UGCG: variants seen among roughly 807,000 people sequenced by gnomAD.
UGCG encodes UDP-glucose ceramide glucosyltransferase.
In UGCG, 10 loss-of-function variants were observed where a neutral mutation model predicts 49.5. The ratio of observed to expected loss-of-function variants is 0.20; its 90% CI spans 0.12 to 0.34. The LOEUF is 0.34. Among genes scored for constraint, UGCG ranks in the 10% least tolerant of loss-of-function variants. The probability of loss-of-function intolerance (pLI) is 1.00; values close to 1 mark genes in which losing one functional copy is unlikely to be tolerated. For missense variants in UGCG, 312 were observed against 483.7 expected (o/e 0.65, Z 3.33); for synonymous variants, 182 against 158.2 (o/e 1.15, Z -1.13).
At chr9:111,910,966 C>G (rs1189987881) in intron 1 of UGCG, among the ~76,000 whole-genome samples, 2 of 152,222 alleles carry the variant, frequency 1.3e-5, no homozygotes, top group East Asian at 3.9e-4. Context: ...AGGCTGGTCT[C>G]AAACTCCTGA....
chr9:111,931,387 G>A lies in UGCG; in HGVS notation c.824+30G>A, dbSNP rs2274942. ...ATCAACTGTTTTCTTTTTATACTTCGTTAAAAGGAAAGTGGGGAGGGGGGT... is the reference window on the plus strand; with the variant it reads ...ATCAACTGTTTTCTTTTTATACTTCATTAAAAGGAAAGTGGGGAGGGGGGT... On this transcript the variant is annotated intron_variant, in intron 7 of 8. Coordinates refer to ENST00000374279, the MANE Select transcript of UGCG (RefSeq NM_003358.3). 626 of 1,599,118 alleles carry A rather than the reference G, an allele frequency of 3.9e-4. 3 individuals carry two copies. In the East Asian group the frequency reaches 0.012, roughly 31 times the overall value.
chr9:111,926,324 G>A (rs1838311410), intron 4 of UGCG, 60 bp from the exon 5 acceptor site: 2 of 1,001,466 alleles, frequency 2.0e-6, no homozygotes, highest in East Asian at 2.5e-5. Flanking sequence ...ATATTAATGG[G>A]CATTCTACTA....
chr9:111,911,943 TATATATATATATA>T (rs1241945083), intron 1 of UGCG, among the ~76,000 whole-genome samples: 9 of 45,544 alleles, frequency 2.0e-4, no homozygotes, highest in African/African-American at 8.4e-4. Flanking sequence ...TATATATATA[TATATATATATATA>T]TTCAACAGGA....
At chr9:111,908,599 C>T (rs1373474663) in intron 1 of UGCG, among the ~76,000 whole-genome samples, 1 of 152,176 alleles carries the variant, frequency 6.6e-6, no homozygotes, top group African/African-American at 2.4e-5. Context: ...CACACCACTT[C>T]CCCAACAAAA....
chr9:111,929,450 T>C (rs756096964), intron 5 of UGCG, 50 bp from the exon 6 acceptor site: 57 of 1,563,708 alleles, frequency 3.6e-5, no homozygotes, highest in Non-Finnish European at 4.8e-5. Flanking sequence ...GTGAACACCA[T>C]GCTTTTAACA....
At chr9:111,919,172 A>G (rs1035072168) in intron 2 of UGCG, among the ~76,000 whole-genome samples, 1 of 152,108 alleles carries the variant, frequency 6.6e-6, no homozygotes, top group African/African-American at 2.4e-5. Context: ...ATTTCCTTTC[A>G]TCATATGTAC....
At chr9:111,901,003 G>A (rs534290565) in intron 1 of UGCG, among the ~76,000 whole-genome samples, 6 of 151,904 alleles carry the variant, frequency 3.9e-5, no homozygotes, top group Admixed American at 1.3e-4. Context: ...ATGCCATCAC[G>A]CCCAGCTAAT....
chr9:111,927,439 T>A (rs1168719392), intron 5 of UGCG, among the ~76,000 whole-genome samples: 2 of 151,424 alleles, frequency 1.3e-5, no homozygotes, highest in African/African-American at 4.9e-5. Context: ...GTTTATGGGG[T>A]TTTTTTGTTT....
intron 1 of UGCG, among the ~76,000 whole-genome samples, chr9:111,901,697 A>G (rs1837775923): frequency 6.6e-6 from 1 of 152,208 alleles, no homozygotes; most frequent in African/African-American, 2.4e-5. Flanking sequence ...AAAGTTGAAG[A>G]AAAGAAAAAG....
At chr9:111,912,029 G>GATATATATATATATATATATAT (rs60468274) in intron 1 of UGCG, among the ~76,000 whole-genome samples, 3 of 64,584 alleles carry the variant, frequency 4.6e-5, no homozygotes, top group African/African-American at 8.1e-5. Context: ...TATTCAACAG[G>GATATATATATATATATATATAT]ATATATATAT....
At position 111,926,861 on chromosome 9, in the gene UGCG, CTTTTTTTTTTTTTTT is replaced by C. The variant is rs56298523; in HGVS notation, c.558+380_558+394del. Among the ~76,000 whole-genome samples the C allele has an allele frequency of 1.6e-4, 9 of 56,876 alleles. No individual in the cohort carries two copies. The East Asian group carries it at 3.1e-3, about 20-fold the overall frequency. The allele number at this position is 56,876 out of a possible 152,430, so 37.3% of individuals were successfully genotyped here. Reference sequence around the variant, plus strand: ...GAACCGCTGGCCCCCTCCCCCCAGCCTTTTTTTTTTTTTTTTTTTTTTTTTTTTTGCGACAGAGCC... The same window carrying C: ...GAACCGCTGGCCCCCTCCCCCCAGCCTTTTTTTTTTTTTTGCGACAGAGCC... On this transcript the variant is annotated intron_variant, in intron 5 of 8. Transcript: ENST00000374279.
At chr9:111,899,380 A>G (rs1277914524) in intron 1 of UGCG, among the ~76,000 whole-genome samples, 2 of 152,176 alleles carry the variant, frequency 1.3e-5, no homozygotes, top group African/African-American at 4.8e-5. Context: ...TTCTATTTTC[A>G]TTCCTTTAAA....
At chr9:111,906,603 T>A (rs1837889917) in intron 1 of UGCG, among the ~76,000 whole-genome samples, 1 of 152,142 alleles carries the variant, frequency 6.6e-6, no homozygotes, top group African/African-American at 2.4e-5. Context: ...CTAATTTTTG[T>A]ATTTTTAGTA....
chr9:111,898,735 T>A (rs541944879), intron 1 of UGCG, among the ~76,000 whole-genome samples: 1 of 152,190 alleles, frequency 6.6e-6, no homozygotes, highest in Non-Finnish European at 1.5e-5. Flanking sequence ...AATTAAAATA[T>A]GCACACACCA....
chr9:111,930,937 CTTG>C (rs1224846154), intron 6 of UGCG, among the ~76,000 whole-genome samples: 1 of 152,114 alleles, frequency 6.6e-6, no homozygotes, highest in African/African-American at 2.4e-5. Flanking sequence ...GTTTACATGT[CTTG>C]TTGTTTGGTT....
At chr9:111,916,357 C>G (rs1188693164) in intron 2 of UGCG, among the ~76,000 whole-genome samples, 1 of 152,190 alleles carries the variant, frequency 6.6e-6, no homozygotes, top group Non-Finnish European at 1.5e-5. Flanking sequence ...TTCAACCACT[C>G]TTAAAATTGG....
At chr9:111,922,290 A>G (rs181890678) in intron 2 of UGCG, among the ~76,000 whole-genome samples, 199 of 152,328 alleles carry the variant, frequency 1.3e-3, no homozygotes, top group African/African-American at 4.4e-3. Context: ...TTTTGTTTCA[A>G]AAAGTTATGA....
In UGCG at chr9:111,932,254, T is replaced by C; in HGVS notation, c.909T>C (p.Ile303=). The change falls in exon 8 of 9, where the codon ATT becomes ATC. Residue 303 remains isoleucine, a synonymous_variant. Coordinates refer to ENST00000374279, the MANE Select transcript of UGCG (RefSeq NM_003358.3). ...ISECFVASLI[I]GWAAHHVFRW... ...AATGCTTTGTTGCCAGTTTAATTAT[T>C]GGATGGGCAGCCCACCATGTGTTCA... 2 of 1,614,170 alleles carry C rather than the reference T, an allele frequency of 1.2e-6. No individual in the cohort carries two copies. Among genetic ancestry groups the C allele is most frequent in the Non-Finnish European group, 1.7e-6 (2 of 1,180,004 alleles).
chr9:111,923,610 T>A (rs916119822), intron 3 of UGCG, among the ~76,000 whole-genome samples: 1 of 152,094 alleles, frequency 6.6e-6, no homozygotes, highest in African/African-American at 2.4e-5. Flanking sequence ...TTATTTACTG[T>A]CATATATTTA....
Sources: gnomAD v4.1 joint callset for allele counts (sites outside exome capture counted in the v4.1 genomes callset) on GRCh38, gnomAD v4.1.1 for gene constraint, MANE v1.5 for transcripts, NCBI Gene and HGNC (gene_info 2026-07-23, HGNC 2026-07-21) for gene names.